The following ADARB1 variants were observed in gnomAD, a reference collection of about 807,000 sequenced individuals.
ADARB1 encodes the protein adenosine deaminase RNA specific B1, also known as double-stranded RNA-specific editase 1.
Under a neutral mutation model 52.4 loss-of-function variants are expected in ADARB1, and 10 were observed. The ratio of observed to expected loss-of-function variants is 0.19; its 90% CI spans 0.12 to 0.32. ADARB1 has a LOEUF of 0.32. ADARB1 is among the 10% of genes least tolerant of loss of function. The pLI is 1.00. For synonymous variants in ADARB1, 349 were observed against 371.1 expected (o/e 0.94, Z 0.68); for missense variants, 643 against 922.3 (o/e 0.70, Z 3.92).
chr21:45,148,993 A>G lies in ADARB1; in HGVS notation c.-48+20420A>G, dbSNP rs547599431. Among the ~76,000 whole-genome samples, 6 of 152,228 alleles carry G rather than the reference A, an allele frequency of 3.9e-5. No individual in the cohort carries two copies. In the South Asian group the frequency reaches 1.2e-3, roughly 32 times the overall value. ...CCACCTTCCTTACTGCTGGATGCAA[A>G]CCTGCTGAGTCTCTATGGCTTTCAG... On this transcript the variant is annotated intron_variant, in intron 2 of 10. Transcript: ENST00000348831.
In ADARB1 at chr21:45,223,016, TC is replaced by T; in HGVS notation, c.*822del. On this transcript the variant is annotated 3_prime_UTR_variant, in exon 11 of 11. Coordinates refer to ENST00000348831, the MANE Select transcript of ADARB1 (RefSeq NM_001112.4). Reference sequence around the variant, plus strand: ...ATCACAGATAATACATGGCCAGTAATCCCAGGCTGGCCATTCATTCAGGTTT... The same window carrying T: ...ATCACAGATAATACATGGCCAGTAATCCAGGCTGGCCATTCATTCAGGTTT... 2.0e-6 allele frequency: 2 copies of T among 985,442 alleles called. No individual in the cohort carries two copies. The highest frequency in any genetic ancestry group is 2.4e-6 in the Non-Finnish European group (2 of 829,920). 61.0% of individuals were successfully genotyped at this position (985,442 alleles called of 1,614,324 possible). A position where few individuals can be genotyped will look rare whatever the true frequency, so the allele number is the denominator to read the frequency against.
chr21:45,205,761 A>G, intron 9 of ADARB1, among the ~76,000 whole-genome samples: 1 of 152,216 alleles, frequency 6.6e-6, no homozygotes, highest in East Asian at 1.9e-4. Flanking sequence ...AGGTATTTTT[A>G]TCTTTTTAAA....
intron 2 of ADARB1, among the ~76,000 whole-genome samples, chr21:45,136,696 G>A (rs896337205): frequency 4.6e-5 from 7 of 152,254 alleles, no homozygotes; most frequent in Non-Finnish European, 8.8e-5. Context: ...GAGAGCAGGG[G>A]TGTCCCCGCA....
At chr21:45,162,841 G>T (rs1234098948) in intron 2 of ADARB1, among the ~76,000 whole-genome samples, 1 of 152,048 alleles carries the variant, frequency 6.6e-6, no homozygotes, top group Non-Finnish European at 1.5e-5. Context: ...GAGCTCAAAG[G>T]CCTGAAACAG....
At chr21:45,118,077 T>C (rs1429385688) in intron 1 of ADARB1, among the ~76,000 whole-genome samples, 3 of 152,244 alleles carry the variant, frequency 2.0e-5, no homozygotes, top group African/African-American at 7.2e-5. Flanking sequence ...CATTTTAATA[T>C]AAGAAAAGTA....
rs1979510690 is a variant in ADARB1, at chr21:45,208,872, A to G, written c.1747+4136A>G. ...CCATGAGTCATTGTAGAAGAGAACG[A>G]CCACCAAGCTTGGCTCCAAGTACAG... On this transcript the variant is annotated intron_variant, in intron 9 of 10. Coordinates refer to ENST00000348831, the MANE Select transcript of ADARB1 (RefSeq NM_001112.4). This position sits in a 1 kb window ranked among gnomAD's most constrained non-coding sequence, Gnocchi z 5.6. Among the ~76,000 whole-genome samples, 1 of 152,044 alleles carries G rather than the reference A, an allele frequency of 6.6e-6. No homozygotes were observed. Among genetic ancestry groups the G allele is most frequent in the Admixed American group, 6.5e-5 (1 of 15,268 alleles).
Position 45,219,292 on chromosome 21 carries a change from G to A in ADARB1, c.1748-1544G>A, listed in dbSNP as rs575871861. On this transcript the variant is annotated intron_variant, in intron 9 of 10. Transcript: ENST00000348831. Reference sequence around the variant, plus strand: ...TGTAATCCCAACACTTTGGGAGGCCGAGGCGGGAAGATCATGAAGTCAGGA... The same window carrying A: ...TGTAATCCCAACACTTTGGGAGGCCAAGGCGGGAAGATCATGAAGTCAGGA... Among the ~76,000 whole-genome samples the A allele has an allele frequency of 2.1e-3, 313 of 152,304 alleles. 1 individual carries two copies. The highest frequency in any genetic ancestry group is 7.2e-3 in the African/African-American group (300 of 41,562).
At chr21:45,153,674 C>T (rs777472665) in intron 2 of ADARB1, among the ~76,000 whole-genome samples, 14 of 152,222 alleles carry the variant, frequency 9.2e-5, no homozygotes, top group Non-Finnish European at 1.8e-4. Context: ...ACAAAGGTGA[C>T]AGCACCTAAT....
chr21:45,198,620 G>A (rs2092481143), intron 8 of ADARB1, among the ~76,000 whole-genome samples: 1 of 152,110 alleles, frequency 6.6e-6, no homozygotes, highest in African/African-American at 2.4e-5. Context: ...GTGAGTTCTA[G>A]ACATCGTTTG....
intron 1 of ADARB1, among the ~76,000 whole-genome samples, chr21:45,114,941 G>A (rs975404926): frequency 1.3e-5 from 2 of 152,208 alleles, no homozygotes; most frequent in Admixed American, 6.5e-5. Context: ...TCATGGGCTC[G>A]CACTGACCTG....
intron 1 of ADARB1, among the ~76,000 whole-genome samples, chr21:45,093,237 C>T (rs2086628780): frequency 6.6e-6 from 1 of 152,228 alleles, no homozygotes; most frequent in Admixed American, 6.5e-5. Context: ...CTGGGGTGCA[C>T]TTTGGCTTTT....
At chr21:45,197,312 C>T (rs2092446927) in intron 8 of ADARB1, among the ~76,000 whole-genome samples, 1 of 152,128 alleles carries the variant, frequency 6.6e-6, no homozygotes, top group East Asian at 1.9e-4. Context: ...CCAGCCTGGC[C>T]AGTATGGTGA....
chr21:45,112,710 G>A (rs2087597665), intron 1 of ADARB1, among the ~76,000 whole-genome samples: 1 of 152,092 alleles, frequency 6.6e-6, no homozygotes, highest in African/African-American at 2.4e-5. Context: ...TATAAAATAG[G>A]TGAACATGTG....
In ADARB1 at chr21:45,223,987, G is replaced by A. The variant is rs970703176; in HGVS notation, c.*1790G>A. On this transcript the variant is annotated 3_prime_UTR_variant, in exon 11 of 11. Transcript: ENST00000348831. ...TCACAGCAGGCGTCTCTGCCGCTCC[G>A]TCACCACAGTGGGGTTTTGTTCAGG... 1.5e-5 allele frequency: 15 copies of A among 985,256 alleles called. No individual in the cohort carries two copies. Among genetic ancestry groups the A allele is most frequent in the African/African-American group, 1.7e-5 (1 of 57,214 alleles). The allele number at this position is 985,256 out of a possible 1,614,324, so 61.0% of individuals were successfully genotyped here.
intron 1 of ADARB1, among the ~76,000 whole-genome samples, chr21:45,084,878 T>A (rs956289450): frequency 1.3e-5 from 2 of 152,144 alleles, no homozygotes; most frequent in African/African-American, 4.8e-5. Flanking sequence ...TTAGAGTGAG[T>A]TGATTTCCTT....
chr21:45,161,710 T>C (rs1464356264), intron 2 of ADARB1, among the ~76,000 whole-genome samples: 1 of 152,252 alleles, frequency 6.6e-6, no homozygotes, highest in South Asian at 2.1e-4. Flanking sequence ...CACCTTCAGC[T>C]TACAGAGGAC....
At chr21:45,084,943 C>T (rs1447894990) in intron 1 of ADARB1, among the ~76,000 whole-genome samples, 2 of 152,186 alleles carry the variant, frequency 1.3e-5, no homozygotes, top group Non-Finnish European at 2.9e-5. Context: ...CTTCGTGAGG[C>T]TCTGGAGTCA....
In ADARB1 at chr21:45,222,055, C is replaced by T. The variant is rs1246698751; in HGVS notation, c.1964C>T (p.Pro655Leu). The part of the protein sequence containing the change: ...SHLLRSKITK[P>L]NVYHESKLAA... ...TTACTACGCTCCAAGATTACCAAGCCCAACGTGTACCATGAGTCCAAGCTG... is the reference window on the plus strand; with the variant it reads ...TTACTACGCTCCAAGATTACCAAGCTCAACGTGTACCATGAGTCCAAGCTG... Residue 655 changes from proline (P) to leucine (L), a missense_variant, in exon 11 of 11, where the codon CCC becomes CTC. Pro to Leu is a moderately conservative substitution (Grantham distance 98, BLOSUM62 -3). Around this residue, in one of 2 missense-constraint regions of ADARB1, gnomAD observed 263 missense variants for 475.8 expected, o/e 0.55. Transcript: ENST00000348831. 2 of 1,613,606 alleles carry T rather than the reference C, an allele frequency of 1.2e-6. No homozygotes were observed. Among genetic ancestry groups the T allele is most frequent in the Non-Finnish European group, 1.7e-6 (2 of 1,179,988 alleles).
intron 1 of ADARB1, among the ~76,000 whole-genome samples, chr21:45,125,619 T>A (rs1240273089): frequency 3.3e-5 from 5 of 152,246 alleles, no homozygotes; most frequent in African/African-American, 1.2e-4. Flanking sequence ...GGAAGTAAGA[T>A]CTTCCCACAC....
Sources: allele counts gnomAD v4.1 joint callset (sites outside exome capture counted in the v4.1 genomes callset), GRCh38; gene constraint gnomAD v4.1.1; regional missense constraint gnomAD v4.1.1; non-coding constraint Gnocchi (gnomAD v3.1); transcripts MANE v1.5; gene names NCBI Gene and HGNC (gene_info 2026-07-23, HGNC 2026-07-21).